Variants in VWDE observed in about 807,000 individuals in gnomAD.
VWDE encodes the protein von Willebrand factor D and EGF domain-containing protein.
A neutral mutation model predicts 178.4 loss-of-function variants in VWDE; 207 were observed. The ratio of observed to expected loss-of-function variants is 1.16; its 90% CI spans 1.04 to 1.30. The LOEUF is 1.30. Ranked by LOEUF, VWDE falls within the 50% of genes most tolerant of loss-of-function variation. VWDE has a pLI of 0.00. For missense variants in VWDE, 2,287 were observed against 1,901.3 expected (o/e 1.20, Z -3.77); for synonymous variants, 738 against 651.4 (o/e 1.13, Z -2.02).
chr7:12,398,658 G>A (rs1784738704), intron 1 of VWDE, among the ~76,000 whole-genome samples: 1 of 152,066 alleles, frequency 6.6e-6, no homozygotes, highest in Non-Finnish European at 1.5e-5. Context: ...GCAGGATGTA[G>A]ACTAAACCCC....
intron 13 of VWDE, 47 bp from the exon 14 acceptor site, chr7:12,361,568 A>T (rs1782582699): frequency 1.4e-6 from 2 of 1,452,028 alleles, no homozygotes; most frequent in Non-Finnish European, 1.8e-6. Flanking sequence ...AATTATGGAA[A>T]TATTTTGTTA....
At chr7:12,357,139 T>G (rs2128552095) in intron 17 of VWDE, 126 bp downstream of exon 17, 2 of 1,264,150 alleles carry the variant, frequency 1.6e-6, no homozygotes, top group East Asian at 5.1e-5. Context: ...CAGTTTAATT[T>G]TCCATACAAT....
intron 23 of VWDE, 120 bp downstream of exon 23, chr7:12,341,939 T>A (rs1187340833): frequency 8.8e-6 from 6 of 684,754 alleles, no homozygotes; most frequent in Non-Finnish European, 1.5e-5. Flanking sequence ...AAATAACAAC[T>A]TCATACCTAT....
At chr7:12,394,330 G>A (rs1784530355) in intron 1 of VWDE, among the ~76,000 whole-genome samples, 1 of 152,062 alleles carries the variant, frequency 6.6e-6, no homozygotes, top group African/African-American at 2.4e-5. Flanking sequence ...AAATTTTAAA[G>A]TTATTTTCCA....
chr7:12,348,451 T>C (rs896546182), intron 19 of VWDE, among the ~76,000 whole-genome samples: 1 of 90,150 alleles, frequency 1.1e-5, no homozygotes, highest in Admixed American at 1.1e-4. Flanking sequence ...AAGACATTTA[T>C]GCAGCCAAAA....
rs1866650 is a variant in VWDE at position 12,357,271 on chromosome 7, C to T, written c.3519G>A (p.Thr1173=). The T allele has an allele frequency of 0.15, 227,883 of 1,551,578 alleles. 18,789 individuals are homozygous for T. Among genetic ancestry groups the T allele is most frequent in the Non-Finnish European group, 0.17 (192,851 of 1,146,626 alleles). Residue 1173 remains threonine (T), a synonymous_variant, in exon 17 of 29, where the codon ACG becomes ACA. Transcript: ENST00000275358. ...NDDCDAETRV[T]IEVTVKSCDC... is the part of the protein sequence containing the mutation. ...ATGTAATTATAAAGATTACCTCAATCGTGACTCTAGTTTCAGCATCGCAGT... is the reference window on the plus strand; with the variant it reads ...ATGTAATTATAAAGATTACCTCAATTGTGACTCTAGTTTCAGCATCGCAGT...
At chr7:12,334,063 T>C (rs1780879762) in intron 27 of VWDE, among the ~76,000 whole-genome samples, 1 of 152,172 alleles carries the variant, frequency 6.6e-6, no homozygotes, top group African/African-American at 2.4e-5. Flanking sequence ...GTCTATATCA[T>C]ACATTTCTTA....
intron 22 of VWDE, among the ~76,000 whole-genome samples, chr7:12,342,669 C>CTATTATTATTAT (rs201508499): frequency 2.7e-5 from 4 of 150,796 alleles, no homozygotes; most frequent in African/African-American, 9.8e-5. Context: ...TTTCCATTTT[C>CTATTATTATTAT]TATTATTATG....
intron 3 of VWDE, among the ~76,000 whole-genome samples, chr7:12,388,002 C>T (rs901384027): frequency 6.6e-6 from 1 of 152,102 alleles, no homozygotes; most frequent in Non-Finnish European, 1.5e-5. Context: ...AGTGCACTCT[C>T]AAATAAATAA....
chr7:12,352,988 G>A (rs1469106718), intron 18 of VWDE, among the ~76,000 whole-genome samples: 3 of 151,968 alleles, frequency 2.0e-5, no homozygotes, highest in South Asian at 2.1e-4. Flanking sequence ...TCCTTTCTGA[G>A]CTTACATGGA....
chr7:12,371,712 CA>C (rs2128556032), intron 10 of VWDE, among the ~76,000 whole-genome samples: 1 of 152,234 alleles, frequency 6.6e-6, no homozygotes, highest in South Asian at 2.1e-4. Flanking sequence ...GCAAATTCCT[CA>C]AAAGCCTCTT....
At chr7:12,386,073 T>C (rs1784084384) in intron 3 of VWDE, among the ~76,000 whole-genome samples, 1 of 152,170 alleles carries the variant, frequency 6.6e-6, no homozygotes, top group Non-Finnish European at 1.5e-5. Flanking sequence ...AGTTTTGTTT[T>C]CTTTTTTATT....
At chr7:12,367,912 T>C (rs993113142) in intron 12 of VWDE, among the ~76,000 whole-genome samples, 1 of 152,094 alleles carries the variant, frequency 6.6e-6, no homozygotes, top group Non-Finnish European at 1.5e-5. Context: ...AATTTCAAAA[T>C]GTCATCTGTA....
chr7:12,365,738 A>G, intron 13 of VWDE, among the ~76,000 whole-genome samples: 1 of 152,136 alleles, frequency 6.6e-6, no homozygotes, highest in East Asian at 1.9e-4. Flanking sequence ...ATTAAAGGCT[A>G]GAAGAGCCTT....
At chr7:12,387,034 C>T (rs958950791) in intron 3 of VWDE, among the ~76,000 whole-genome samples, 1 of 151,966 alleles carries the variant, frequency 6.6e-6, no homozygotes, top group Non-Finnish European at 1.5e-5. Context: ...TAATAATAAA[C>T]AATAATTTAG....
Position 12,393,618 on chromosome 7 carries a change from G to C in VWDE, c.219C>G (p.Ala73=). The C allele has an allele frequency of 6.5e-7, 1 of 1,549,726 alleles. No individual in the cohort carries two copies. Among genetic ancestry groups the C allele is most frequent in the Non-Finnish European group, 8.7e-7 (1 of 1,145,992 alleles). ...WYRFLILDRP[A]EMPTKCVEMN... ...CCTCAACACATTTGGTTGGCATCTC[G>C]GCAGGTCTGTCAAGGATGAGAAATC... Residue 73 remains alanine (A), a synonymous_variant, in exon 2 of 29, where the codon GCC becomes GCG. Coordinates refer to ENST00000275358, the MANE Select transcript of VWDE (RefSeq NM_001135924.3).
In VWDE at chr7:12,380,630, G is replaced by A. The variant is rs1001704421; in HGVS notation, c.645C>T (p.Pro215=). 46 of 1,552,060 alleles carry A rather than the reference G, an allele frequency of 3.0e-5. No individual in the cohort carries two copies. Among genetic ancestry groups the A allele is most frequent in the South Asian group, 7.1e-5 (6 of 84,056 alleles). Residue 215 remains proline (P), a synonymous_variant, in exon 5 of 29, where the codon CCC becomes CCT. Coordinates refer to ENST00000275358, the MANE Select transcript of VWDE (RefSeq NM_001135924.3). ...GAAATCCCACTGAGTTTTTTGTAGC[G>A]GGAACATCAAAAGAACACCTACAGA... is the stretch of plus-strand genomic sequence containing the variant. ...RLFCRCSFDV[P]ATKNSVGFHI...
chr7:12,334,959 G>A (rs930290786), intron 27 of VWDE, among the ~76,000 whole-genome samples: 7 of 151,920 alleles, frequency 4.6e-5, no homozygotes, highest in African/African-American at 1.5e-4. Flanking sequence ...GCACTTAATA[G>A]TACTTTCATA....
chr7:12,395,176 G>A (rs759380894), intron 1 of VWDE, among the ~76,000 whole-genome samples: 22 of 152,004 alleles, frequency 1.4e-4, no homozygotes, highest in African/African-American at 2.2e-4. Context: ...AAAAGGCTCC[G>A]ATGTCAACAC....
Sources: gnomAD v4.1 joint callset for allele counts (sites outside exome capture counted in the v4.1 genomes callset) on GRCh38, gnomAD v4.1.1 for gene constraint, MANE v1.5 for transcripts, NCBI Gene and HGNC (gene_info 2026-07-23, HGNC 2026-07-21) for gene names.